The following KAZN variants were observed in gnomAD, a reference collection of about 807,000 sequenced individuals.
The protein encoded by KAZN is kazrin, periplakin interacting protein, also known as kazrin.
Under a neutral mutation model 87.4 loss-of-function variants are expected in KAZN, and 40 were observed. The observed-to-expected ratio is 0.46, with a 90% CI of 0.36 to 0.60. KAZN has a LOEUF of 0.60. Ranked by LOEUF, KAZN falls within the 20% of genes least tolerant of loss-of-function variation. The probability of loss-of-function intolerance (pLI) is 0.00; values close to 1 mark genes in which losing one functional copy is unlikely to be tolerated. For missense variants in KAZN, 898 were observed against 1,073.9 expected (o/e 0.84, Z 2.29); for synonymous variants, 466 against 458.3 (o/e 1.02, Z -0.22).
intron 1 of KAZN, among the ~76,000 whole-genome samples, chr1:14,098,821 T>C: frequency 6.6e-6 from 1 of 152,160 alleles, no homozygotes; most frequent in East Asian, 1.9e-4. Context: ...TTGATTTACT[T>C]CAATTTATAG....
At chr1:15,009,601 C>T (rs1158825620) in intron 2 of KAZN, among the ~76,000 whole-genome samples, 3 of 152,208 alleles carry the variant, frequency 2.0e-5, no homozygotes, top group Non-Finnish European at 4.4e-5. Flanking sequence ...GGACAGCTGT[C>T]AGCTCCATAG....
At chr1:14,958,716 C>T (rs1663473324) in intron 1 of KAZN, among the ~76,000 whole-genome samples, 1 of 152,222 alleles carries the variant, frequency 6.6e-6, no homozygotes, top group Non-Finnish European at 1.5e-5. Flanking sequence ...GAATACACAT[C>T]CCCTTTTACC....
At chr1:14,239,431 A>C (rs1286934095) in intron 2 of KAZN, among the ~76,000 whole-genome samples, 1 of 149,298 alleles carries the variant, frequency 6.7e-6, no homozygotes, top group Non-Finnish European at 1.5e-5. Flanking sequence ...ACTTGGCAGT[A>C]AATTATACAC....
At chr1:14,676,403 T>G (rs1161861654) in intron 1 of KAZN, among the ~76,000 whole-genome samples, 3 of 139,436 alleles carry the variant, frequency 2.2e-5, no homozygotes, top group Non-Finnish European at 4.8e-5. Flanking sequence ...CTAAGCAGCC[T>G]TACCTAGGGA....
chr1:14,034,085 A>G (rs925129975), intron 1 of KAZN, among the ~76,000 whole-genome samples: 2 of 152,236 alleles, frequency 1.3e-5, no homozygotes, highest in African/African-American at 4.8e-5. Context: ...ACCTATACTA[A>G]GAATGTCATC....
chr1:14,821,514 G>GAA (rs756026320), intron 1 of KAZN, among the ~76,000 whole-genome samples: 1 of 130,966 alleles, frequency 7.6e-6, no homozygotes, highest in Non-Finnish European at 1.7e-5. Context: ...CTCCACCTCT[G>GAA]AAAAAAAAAA....
At chr1:14,176,825 C>G (rs953816652) in intron 1 of KAZN, among the ~76,000 whole-genome samples, 2 of 152,290 alleles carry the variant, frequency 1.3e-5, no homozygotes, top group South Asian at 4.1e-4. Context: ...ATCTTTAACA[C>G]AGTCTACCTT....
chr1:14,680,319 G>T (rs1445268904), intron 1 of KAZN, among the ~76,000 whole-genome samples: 1 of 152,046 alleles, frequency 6.6e-6, no homozygotes, highest in Non-Finnish European at 1.5e-5. Flanking sequence ...TTCCTACGTA[G>T]CCCTCCCCCT....
chr1:14,767,919 A>C (rs77899947), intron 1 of KAZN, among the ~76,000 whole-genome samples: 7,865 of 152,260 alleles, frequency 0.052, 619 homozygotes, highest in African/African-American at 0.17. Context: ...ATTCCAGAGA[A>C]TATTACCGAG....
intron 2 of KAZN, among the ~76,000 whole-genome samples, chr1:15,011,908 T>C (rs1197185099): frequency 1.3e-5 from 2 of 152,032 alleles, no homozygotes; most frequent in South Asian, 4.1e-4. Context: ...GTCCAGAGCC[T>C]CCAAGCCCCC....
chr1:14,583,471 G>C (rs1675674182), intron 2 of KAZN, among the ~76,000 whole-genome samples: 1 of 152,234 alleles, frequency 6.6e-6, no homozygotes, highest in East Asian at 1.9e-4. Flanking sequence ...TAGGTGGACA[G>C]AGAAGCTGGC....
intron 2 of KAZN, among the ~76,000 whole-genome samples, chr1:14,509,400 C>T (rs1670782077): frequency 6.6e-6 from 1 of 152,184 alleles, no homozygotes; most frequent in South Asian, 2.1e-4. Flanking sequence ...CATGGTCTTT[C>T]CACCAACCAG....
At chr1:14,557,442 G>A (rs556902891) in intron 2 of KAZN, among the ~76,000 whole-genome samples, 12 of 152,198 alleles carry the variant, frequency 7.9e-5, no homozygotes, top group East Asian at 7.7e-4. Flanking sequence ...AGAGAATGGC[G>A]TAGGTGTCAG....
chr1:15,076,663 T>C (rs1201138833), intron 8 of KAZN, among the ~76,000 whole-genome samples: 1 of 152,188 alleles, frequency 6.6e-6, no homozygotes, highest in Non-Finnish European at 1.5e-5. Context: ...TTTTCTGAGC[T>C]CCACTTTTCT....
intron 2 of KAZN, among the ~76,000 whole-genome samples, chr1:14,436,717 C>CA (rs1197002414): frequency 0.39 from 19,764 of 50,604 alleles, 2,180 homozygotes; most frequent in Non-Finnish European, 0.44. Flanking sequence ...GACTCTGTCT[C>CA]AAAAAAAAAA....
chr1:14,161,877 G>T (rs1645717962), intron 1 of KAZN, among the ~76,000 whole-genome samples: 1 of 152,076 alleles, frequency 6.6e-6, no homozygotes, highest in Non-Finnish European at 1.5e-5. Context: ...TTGTTTTGTG[G>T]GTACTATTTT....
At chr1:13,918,489 T>A (rs1184410096) in intron 1 of KAZN, among the ~76,000 whole-genome samples, 1 of 152,240 alleles carries the variant, frequency 6.6e-6, no homozygotes, top group African/African-American at 2.4e-5. Context: ...CTACTCCTGA[T>A]GAAGATACTG....
chr1:14,837,460 A>G (rs1409593671), intron 1 of KAZN, among the ~76,000 whole-genome samples: 2 of 152,078 alleles, frequency 1.3e-5, no homozygotes, highest in East Asian at 3.9e-4. Context: ...CAACCTCCCA[A>G]AGTGCTGGGA....
chr1:14,005,202 T>C (rs1293318181), intron 1 of KAZN, among the ~76,000 whole-genome samples: 1 of 151,902 alleles, frequency 6.6e-6, no homozygotes, highest in Non-Finnish European at 1.5e-5. Context: ...AGCCAGACAG[T>C]GGAGTGAGCA....
Sources: allele counts gnomAD v4.1 joint callset (sites outside exome capture counted in the v4.1 genomes callset), GRCh38; gene constraint gnomAD v4.1.1; transcripts MANE v1.5; gene names NCBI Gene and HGNC (gene_info 2026-07-23, HGNC 2026-07-21).